The following VWC2L variants were observed in gnomAD, a reference collection of about 807,000 sequenced individuals.
The protein encoded by VWC2L is von Willebrand factor C domain containing 2 like.
A neutral mutation model predicts 21.6 loss-of-function variants in VWC2L; 10 were observed. The ratio of observed to expected loss-of-function variants is 0.46; its 90% CI spans 0.29 to 0.78. The LOEUF is 0.78. Ranked by LOEUF, VWC2L falls within the 30% of genes least tolerant of loss-of-function variation. The pLI is 0.10. For synonymous variants in VWC2L, 96 were observed against 94.3 expected, an observed-to-expected ratio of 1.02 and a Z score of -0.10; for missense variants, 209 against 277.1, an observed-to-expected ratio of 0.75 and a Z score of 1.74.
intron 3 of VWC2L, among the ~76,000 whole-genome samples, chr2:214,538,490 C>T (rs1443322913): frequency 6.6e-6 from 1 of 151,918 alleles, no homozygotes; most frequent in African/African-American, 2.4e-5. Context: ...AAAAAATACC[C>T]TGGATAAAAA....
At chr2:214,473,795 C>T (rs1201998770) in intron 3 of VWC2L, 1 of 150,468 alleles carries the variant, frequency 6.6e-6, no homozygotes, top group Non-Finnish European at 1.5e-5. Context: ...AAAAAAGACA[C>T]TCTAACCAAC....
chr2:214,500,086 A>G (rs947671913), intron 3 of VWC2L, among the ~76,000 whole-genome samples: 1 of 152,206 alleles, frequency 6.6e-6, no homozygotes, highest in African/African-American at 2.4e-5. Context: ...AGCAAGTGTT[A>G]ATGCTCTGAT....
chr2:214,443,884 A>G (rs1223432743), intron 3 of VWC2L, among the ~76,000 whole-genome samples: 4 of 152,152 alleles, frequency 2.6e-5, no homozygotes, highest in Admixed American at 2.6e-4. Flanking sequence ...AGAAGGAGGT[A>G]AAAAAGGTCA....
chr2:214,426,170 T>TAAA (rs1702521662), intron 2 of VWC2L, among the ~76,000 whole-genome samples: 1 of 37,804 alleles, frequency 2.6e-5, no homozygotes, highest in East Asian at 8.4e-4. Flanking sequence ...AGGCTTCGTC[T>TAAA]CAAAAAAAAA....
At chr2:214,450,185 G>T (rs1359915408) in intron 3 of VWC2L, among the ~76,000 whole-genome samples, 1 of 152,182 alleles carries the variant, frequency 6.6e-6, no homozygotes, top group Admixed American at 6.5e-5. Flanking sequence ...GAGGAAGTCT[G>T]CAGTGAAGAG....
At chr2:214,557,985 A>T (rs1007143186) in intron 3 of VWC2L, among the ~76,000 whole-genome samples, 2 of 151,992 alleles carry the variant, frequency 1.3e-5, no homozygotes, top group African/African-American at 4.8e-5. Context: ...TTTACTTCCC[A>T]TCCATTCATC....
intron 3 of VWC2L, among the ~76,000 whole-genome samples, chr2:214,570,089 A>C (rs964067648): frequency 1.3e-5 from 2 of 152,044 alleles, no homozygotes; most frequent in Non-Finnish European, 2.9e-5. Flanking sequence ...GATCATTTTA[A>C]ATGCTTTTTC....
chr2:214,469,660 G>A (rs935882993), intron 3 of VWC2L, among the ~76,000 whole-genome samples: 1 of 152,122 alleles, frequency 6.6e-6, no homozygotes, highest in East Asian at 1.9e-4. Flanking sequence ...CAGCATTAAA[G>A]ATCTCTGTAT....
intron 3 of VWC2L, among the ~76,000 whole-genome samples, chr2:214,467,740 A>T (rs991994712): frequency 6.6e-6 from 1 of 152,200 alleles, no homozygotes; most frequent in African/African-American, 2.4e-5. Context: ...ATTAAAACGT[A>T]ATATTCATTG....
At chr2:214,435,097 G>A (rs964130015) in intron 2 of VWC2L, among the ~76,000 whole-genome samples, 5 of 152,158 alleles carry the variant, frequency 3.3e-5, no homozygotes, top group East Asian at 1.9e-4. Context: ...TAGATATCAC[G>A]ATGAGGTTTG....
intron 3 of VWC2L, among the ~76,000 whole-genome samples, chr2:214,503,084 G>C (rs1688918303): frequency 6.6e-6 from 1 of 152,172 alleles, no homozygotes; most frequent in African/African-American, 2.4e-5. Flanking sequence ...ATCGTATCTA[G>C]GCACGTAGCA....
chr2:214,411,861 G>A (rs1301150571), intron 1 of VWC2L, 75 bp downstream of exon 1: 1 of 151,924 alleles, frequency 6.6e-6, no homozygotes, highest in Non-Finnish European at 1.5e-5. Context: ...ATCATCTGTA[G>A]CAATATGGGG....
At chr2:214,461,391 A>T (rs567337848) in intron 3 of VWC2L, among the ~76,000 whole-genome samples, 37 of 152,284 alleles carry the variant, frequency 2.4e-4, no homozygotes, top group Non-Finnish European at 4.6e-4. Flanking sequence ...TCTAGTGTTA[A>T]TGGTGGCGGT....
chr2:214,445,902 A>G (rs773611642), intron 3 of VWC2L, among the ~76,000 whole-genome samples: 2 of 152,148 alleles, frequency 1.3e-5, no homozygotes, highest in Non-Finnish European at 2.9e-5. Context: ...ACCAACTAAT[A>G]ATTTCTACCA....
chr2:214,556,587 T>G (rs903235047), intron 3 of VWC2L, among the ~76,000 whole-genome samples: 1 of 152,196 alleles, frequency 6.6e-6, no homozygotes, highest in Admixed American at 6.5e-5. Context: ...TGTAAATTCC[T>G]TATGAGTTGG....
intron 3 of VWC2L, among the ~76,000 whole-genome samples, chr2:214,469,071 T>C (rs901084310): frequency 4.2e-5 from 5 of 117,718 alleles, no homozygotes; most frequent in African/African-American, 1.3e-4. Flanking sequence ...TTAAAACTTC[T>C]TTGTTATCAA....
At chr2:214,473,644 T>C (rs540009871) in intron 3 of VWC2L, 7 of 152,152 alleles carry the variant, frequency 4.6e-5, no homozygotes, top group African/African-American at 1.4e-4. Context: ...TCACTGTATG[T>C]CCAGTTTTGG....
chr2:214,564,224 G>T (rs1690026867), intron 3 of VWC2L, among the ~76,000 whole-genome samples: 1 of 152,122 alleles, frequency 6.6e-6, no homozygotes, highest in Non-Finnish European at 1.5e-5. Flanking sequence ...AATCAATATT[G>T]TGAAAATGGC....
chr2:214,438,002 A>G (rs1333145959), intron 3 of VWC2L, among the ~76,000 whole-genome samples: 2 of 152,062 alleles, frequency 1.3e-5, no homozygotes, highest in Non-Finnish European at 2.9e-5. Flanking sequence ...TCTACCTGTC[A>G]TAGTGACCAC....
Sources: allele counts gnomAD v4.1 joint callset (sites outside exome capture counted in the v4.1 genomes callset), GRCh38; gene constraint gnomAD v4.1.1; transcripts MANE v1.5; gene names NCBI Gene and HGNC (gene_info 2026-07-23, HGNC 2026-07-21).